Variants in ARMH1 observed in about 807,000 individuals in gnomAD.
ARMH1 encodes the protein armadillo like helical domain containing 1, also known as armadillo-like helical domain containing protein 1.
A neutral mutation model predicts 50.2 loss-of-function variants in ARMH1; 34 were observed. The observed-to-expected ratio is 0.68, with a 90% CI of 0.51 to 0.90. The LOEUF (loss-of-function observed/expected upper bound fraction) is 0.90, where lower values mean the gene tolerates loss of function less well. ARMH1 is among the 40% of genes least tolerant of loss of function. ARMH1 has a pLI of 0.00. For missense variants in ARMH1, 538 were observed against 553.9 expected (o/e 0.97, Z 0.29); for synonymous variants, 221 against 224.2 (o/e 0.99, Z 0.13).
At chr1:44,716,981 G>T (rs1291953145) in intron 6 of ARMH1, among the ~76,000 whole-genome samples, 2 of 151,490 alleles carry the variant, frequency 1.3e-5, no homozygotes, top group African/African-American at 4.9e-5. Context: ...CTCCCAAGTA[G>T]CTGAGATTAC....
At chr1:44,698,882 T>G (rs904781093) in intron 4 of ARMH1, among the ~76,000 whole-genome samples, 3 of 151,754 alleles carry the variant, frequency 2.0e-5, no homozygotes, top group Non-Finnish European at 4.4e-5. Flanking sequence ...ACGCAGTGGT[T>G]CACACCTGTA....
At chr1:44,709,425 C>G (rs986802091) in intron 6 of ARMH1, among the ~76,000 whole-genome samples, 3 of 152,228 alleles carry the variant, frequency 2.0e-5, no homozygotes, top group Non-Finnish European at 2.9e-5. Flanking sequence ...TTAATCCCAG[C>G]ACTTTGGGAG....
intron 2 of ARMH1, among the ~76,000 whole-genome samples, chr1:44,695,760 C>T (rs1017272151): frequency 5.9e-5 from 9 of 151,948 alleles, no homozygotes; most frequent in African/African-American, 1.2e-4. Flanking sequence ...GGCAACATAG[C>T]GAGACCCCTG....
At position 44,724,524 on chromosome 1, in the gene ARMH1, G is replaced by T; in HGVS notation, c.921-15G>T. The T allele has an allele frequency of 6.6e-7, 1 of 1,505,168 alleles. No homozygotes were observed. 93.2% of individuals were successfully genotyped at this position (1,505,168 alleles called of 1,614,324 possible). On this transcript the variant is annotated splice_polypyrimidine_tract_variant and intron_variant, in intron 8 of 11. Coordinates refer to ENST00000535358, the MANE Select transcript of ARMH1 (RefSeq NM_001145636.2). The surrounding 1 kb of genome is among the most constrained non-coding windows in gnomAD (Gnocchi z 6.4). ...GAGCCCCAGGGCGTCGCCCCAGCCC[G>T]AACCCCCGGCCCAGGGTCCTGGCGC...
intron 6 of ARMH1, among the ~76,000 whole-genome samples, chr1:44,709,994 T>C (rs1646529014): frequency 6.6e-6 from 1 of 152,202 alleles, no homozygotes; most frequent in African/African-American, 2.4e-5. Context: ...GCTAATCAAA[T>C]GATCATTTCA....
rs1302351495 is a variant in ARMH1 at position 44,701,136 on chromosome 1, T to C, written c.639+17T>C. 5.2e-6 allele frequency: 8 copies of C among 1,538,418 alleles called. No individual in the cohort carries two copies. Among genetic ancestry groups the C allele is most frequent in the Admixed American group, 2.0e-5 (1 of 48,868 alleles). On this transcript the variant is annotated intron_variant, in intron 5 of 11. Transcript: ENST00000535358. Reference sequence around the variant, plus strand: ...ACTGCCCAGGTGAGCCAAGGCTGCATGCTCCTGTGGTTCTGATTCAGATGC... The same window carrying C: ...ACTGCCCAGGTGAGCCAAGGCTGCACGCTCCTGTGGTTCTGATTCAGATGC...
At chr1:44,710,391 C>T (rs1646549885) in intron 6 of ARMH1, among the ~76,000 whole-genome samples, 1 of 152,040 alleles carries the variant, frequency 6.6e-6, no homozygotes, top group Admixed American at 6.6e-5. Context: ...AGGTGGATCA[C>T]GAGGTCAGGA....
chr1:44,721,556 C>T (rs1647135922), intron 6 of ARMH1, among the ~76,000 whole-genome samples: 1 of 151,542 alleles, frequency 6.6e-6, no homozygotes, highest in South Asian at 2.1e-4. Flanking sequence ...TAAATGTTTA[C>T]AAGAAGCTAA....
intron 1 of ARMH1, chr1:44,684,321 A>G (rs1645400833): frequency 6.6e-6 from 1 of 152,206 alleles, no homozygotes; most frequent in Non-Finnish European, 1.5e-5. Context: ...GAGATAAATA[A>G]TACATGACTG....
intron 1 of ARMH1, among the ~76,000 whole-genome samples, chr1:44,678,526 A>G (rs1213893417): frequency 6.6e-6 from 1 of 152,100 alleles, no homozygotes; most frequent in East Asian, 1.9e-4. Flanking sequence ...TGGAGTGCAT[A>G]TGCCCCTGGG....
intron 1 of ARMH1, among the ~76,000 whole-genome samples, chr1:44,678,388 T>C (rs12403653): frequency 2.0e-5 from 3 of 147,616 alleles, no homozygotes; most frequent in Admixed American, 2.0e-4. Context: ...ATGGAGAAAA[T>C]GGACAGATGT....
chr1:44,704,215 G>A, intron 6 of ARMH1, 42 bp downstream of exon 6: 1 of 1,407,522 alleles, frequency 7.1e-7, no homozygotes, highest in Non-Finnish European at 9.8e-7. Context: ...CCGAGAGCCA[G>A]ACATATCAGC....
rs1394841853 is a variant in ARMH1, at chr1:44,698,008, A to T, written c.276-55A>T. ...GACCTTGGGATCTCTTTGAAAGCTC[A>T]GTGCAAAGGAACTTGACAAGAGTTT... On this transcript the variant is annotated intron_variant, in intron 3 of 11. Coordinates refer to ENST00000535358, the MANE Select transcript of ARMH1 (RefSeq NM_001145636.2). 3 of 1,398,784 alleles carry T rather than the reference A, an allele frequency of 2.1e-6. No individual in the cohort carries two copies. In the African/African-American group the frequency reaches 4.3e-5, roughly 20 times the overall value. 86.6% of individuals were successfully genotyped at this position (1,398,784 alleles called of 1,614,324 possible).
intron 6 of ARMH1, among the ~76,000 whole-genome samples, chr1:44,710,971 TTCCACTTAGCATAA>T (rs532034610): frequency 6.3e-4 from 96 of 152,384 alleles, no homozygotes; most frequent in African/African-American, 2.0e-3. Flanking sequence ...GTCTGGCTTC[TTCCACTTAGCATAA>T]TATTTTCAAG....
At chr1:44,684,824 C>T (rs1167830236) in intron 1 of ARMH1, among the ~76,000 whole-genome samples, 4 of 152,146 alleles carry the variant, frequency 2.6e-5, no homozygotes, top group Admixed American at 1.3e-4. Flanking sequence ...TCAGGCAGGG[C>T]TTGAAGGGCA....
Position 44,725,518 on chromosome 1 carries a change from G to A in ARMH1, c.*115G>A, listed in dbSNP as rs536452519. ...CCACTTGGCTCCAGGGGGGAGACGG[G>A]GATTAGGCATCCCAGAGGGGCAGAG... On this transcript the variant is annotated 3_prime_UTR_variant, in exon 12 of 12. Coordinates refer to ENST00000535358, the MANE Select transcript of ARMH1 (RefSeq NM_001145636.2). 32 of 1,023,388 alleles carry A rather than the reference G, an allele frequency of 3.1e-5. No individual in the cohort carries two copies. In the African/African-American group the frequency reaches 3.9e-4, roughly 12 times the overall value. The allele number at this position is 1,023,388 out of a possible 1,614,324, so 63.4% of individuals were successfully genotyped here.
In ARMH1 at chr1:44,682,005, T is replaced by C. The variant is rs1048629633; in HGVS notation, c.-23+7132T>C. Among the ~76,000 whole-genome samples the C allele has an allele frequency of 2.0e-5, 3 of 152,208 alleles. No individual in the cohort carries two copies. The highest frequency in any genetic ancestry group is 4.4e-5 in the Non-Finnish European group (3 of 68,040). On this transcript the variant is annotated intron_variant, in intron 1 of 11. Transcript: ENST00000535358. This position sits in a 1 kb window ranked among gnomAD's most constrained non-coding sequence, Gnocchi z 4.5. ...CATTAAAATCACCTTTTTGCTTGTC[T>C]CTCTGCCCTGCCAGTCTGTAAGCAC...
chr1:44,725,371 C>T lies in ARMH1; in HGVS notation c.1291C>T (p.His431Tyr). Residue 431 changes from histidine (H) to tyrosine (Y), a missense_variant, in exon 12 of 12, where the codon CAC becomes TAC. His to Tyr is a moderately conservative substitution (Grantham distance 83, BLOSUM62 2). Transcript: ENST00000535358. Reference protein sequence around the residue: ...RDSAQMAYLTHFEEDVESKE With the variant: ...RDSAQMAYLTYFEEDVESKE ...TTCGGCTCAGATGGCCTACCTCACA[C>T]ACTTCGAGGAGGATGTAGAATCAAA... is the stretch of plus-strand genomic sequence containing the variant. 1 of 1,551,790 alleles carries T rather than the reference C, an allele frequency of 6.4e-7. No individual in the cohort carries two copies.
In ARMH1 at chr1:44,698,124, G is replaced by A; in HGVS notation, c.337G>A (p.Gly113Arg). The A allele has an allele frequency of 6.4e-7, 1 of 1,552,276 alleles. No individual in the cohort carries two copies. The highest frequency in any genetic ancestry group is 1.2e-5 in the South Asian group (1 of 84,054). ...GGVLTLLEIL[G>R]LEKIKEEAKK... is the part of the protein sequence containing the mutation. Reference sequence around the variant, plus strand: ...TGTCCTAACCCTCTTGGAAATACTTGGGCTAGAGAAGATCAAGGAGGAGGC... The same window carrying A: ...TGTCCTAACCCTCTTGGAAATACTTAGGCTAGAGAAGATCAAGGAGGAGGC... The change falls in exon 4 of 12, where the codon GGG (glycine) becomes AGG (arginine). Residue 113 changes from glycine to arginine, a missense_variant. Gly to Arg is a moderately radical substitution (Grantham distance 125). Transcript: ENST00000535358.
Sources: gnomAD v4.1 joint callset for allele counts (sites outside exome capture counted in the v4.1 genomes callset) on GRCh38, gnomAD v4.1.1 for gene constraint, Gnocchi (gnomAD v3.1) non-coding constraint, MANE v1.5 for transcripts, NCBI Gene and HGNC (gene_info 2026-07-23, HGNC 2026-07-21) for gene names.